The following SOX5 variants were observed in gnomAD, a reference collection of about 807,000 sequenced individuals.
SOX5 encodes transcription factor SOX-5.
SOX5 carries 9 observed loss-of-function variants against 92.0 expected under a neutral mutation model. That is an observed-to-expected ratio of 0.10 (90% CI 0.06 to 0.17). The LOEUF is 0.17. Among genes scored for constraint, SOX5 ranks in the 10% least tolerant of loss-of-function variants. SOX5 has a pLI of 1.00. For synonymous variants in SOX5, 344 were observed against 336.3 expected (o/e 1.02, Z -0.25); for missense variants, 642 against 944.5 (o/e 0.68, Z 4.20).
At chr12:24,472,275 A>T (rs1342355779) in intron 1 of SOX5, among the ~76,000 whole-genome samples, 1 of 152,182 alleles carries the variant, frequency 6.6e-6, no homozygotes, top group African/African-American at 2.4e-5. Flanking sequence ...TTAGTGGCTC[A>T]GAAAGGTTAA....
intron 2 of SOX5, among the ~76,000 whole-genome samples, chr12:23,874,563 G>A (rs1436522121): frequency 6.6e-6 from 1 of 152,162 alleles, no homozygotes; most frequent in East Asian, 1.9e-4. Flanking sequence ...TCATGTAATA[G>A]AGACATCGGA....
chr12:24,244,993 C>T (rs1465727995), intron 3 of SOX5, among the ~76,000 whole-genome samples: 1 of 152,076 alleles, frequency 6.6e-6, no homozygotes, highest in African/African-American at 2.4e-5. Context: ...CCAGTACTAC[C>T]ACTTTTATTA....
intron 3 of SOX5, among the ~76,000 whole-genome samples, chr12:23,780,863 G>A (rs773228022): frequency 6.6e-6 from 1 of 152,046 alleles, no homozygotes; most frequent in Non-Finnish European, 1.5e-5. Context: ...AGAGTATGCT[G>A]GTAGGGAGTG....
chr12:23,948,744 C>T (rs1051621310), intron 1 of SOX5, among the ~76,000 whole-genome samples: 2 of 152,104 alleles, frequency 1.3e-5, no homozygotes, highest in South Asian at 2.1e-4. Context: ...CTTATAGGAA[C>T]ATTAAGAGGG....
At chr12:24,002,569 G>GTTTTTTTTTTTTTTGTTTTT (rs1555468917) in intron 4 of SOX5, among the ~76,000 whole-genome samples, 1 of 149,088 alleles carries the variant, frequency 6.7e-6, no homozygotes, top group African/African-American at 2.5e-5. Context: ...AATTGAATTA[G>GTTTTTTTTTTTTTTGTTTTT]TAATTTTCTT....
chr12:23,859,895 A>G (rs944038263), intron 2 of SOX5, among the ~76,000 whole-genome samples: 1 of 152,214 alleles, frequency 6.6e-6, no homozygotes, highest in Non-Finnish European at 1.5e-5. Flanking sequence ...ACATGGAATT[A>G]ACCTAAATGC....
chr12:24,374,499 CCACACACACACACACATACACACA>C (rs1206439694), intron 1 of SOX5, among the ~76,000 whole-genome samples: 1 of 145,460 alleles, frequency 6.9e-6, no homozygotes, highest in African/African-American at 2.7e-5. Context: ...CTCCAGACCA[CCACACACACACACACATACACACA>C]CACACACACA....
At chr12:24,445,867 C>T (rs1276147123) in intron 1 of SOX5, among the ~76,000 whole-genome samples, 4 of 152,078 alleles carry the variant, frequency 2.6e-5, no homozygotes, top group African/African-American at 9.7e-5. Context: ...ACAGGGTTAG[C>T]TTTATTCTCT....
intron 1 of SOX5, among the ~76,000 whole-genome samples, chr12:24,402,986 A>G (rs1962107235): frequency 6.6e-6 from 1 of 152,170 alleles, no homozygotes; most frequent in African/African-American, 2.4e-5. Context: ...CTTCCCCTAC[A>G]TGAAAATCTT....
At chr12:24,077,219 G>A (rs1290135247) in intron 4 of SOX5, among the ~76,000 whole-genome samples, 1 of 152,016 alleles carries the variant, frequency 6.6e-6, no homozygotes, top group Non-Finnish European at 1.5e-5. Flanking sequence ...TACCACAGTC[G>A]ACTTTACAGT....
In SOX5 at chr12:24,330,491, T is replaced by G. The variant is rs539212901; in HGVS notation, c.-174+38072A>C. ...GCCATACTGGAGTACAGTCAGGACCTTCATCTCTTTTGGGTCAAATCCTGC... is the reference window on the plus strand; with the variant it reads ...GCCATACTGGAGTACAGTCAGGACCGTCATCTCTTTTGGGTCAAATCCTGC... On this transcript the variant is annotated intron_variant, in intron 2 of 4. Transcript: ENST00000446891. 3.3e-5 allele frequency among the ~76,000 whole-genome samples: 5 copies of G among 152,318 alleles called. No homozygotes were observed. In the East Asian group the frequency reaches 9.7e-4, roughly 29 times the overall value.
chr12:23,584,406 G>T, intron 9 of SOX5: 2 of 678,676 alleles, frequency 2.9e-6, no homozygotes, highest in East Asian at 2.6e-5. Flanking sequence ...GAAAAGTTTG[G>T]TCTGGTTATA....
At chr12:24,103,598 C>T (rs1200998102) in intron 4 of SOX5, among the ~76,000 whole-genome samples, 3 of 152,148 alleles carry the variant, frequency 2.0e-5, no homozygotes, top group Non-Finnish European at 4.4e-5. Flanking sequence ...TCAAGTGATC[C>T]TCACGCCTTG....
intron 4 of SOX5, among the ~76,000 whole-genome samples, chr12:24,114,573 C>CAAAAAAAAAAAAAAAAAAAAAAAAAAA (rs55913110): frequency 2.5e-5 from 1 of 40,596 alleles, no homozygotes; most frequent in African/African-American, 9.5e-5. Flanking sequence ...CACCCCGTCA[C>CAAAAAAAAAAAAAAAAAAAAAAAAAAA]AAAAAAAAAA....
At chr12:24,011,215 T>C (rs1369224078) in intron 4 of SOX5, among the ~76,000 whole-genome samples, 1 of 147,570 alleles carries the variant, frequency 6.8e-6, no homozygotes, top group Non-Finnish European at 1.5e-5. Context: ...ATTAATCAAA[T>C]TAAAAAAAAT....
At chr12:24,000,043 T>G (rs1318266621) in intron 4 of SOX5, among the ~76,000 whole-genome samples, 2 of 151,784 alleles carry the variant, frequency 1.3e-5, no homozygotes, top group Admixed American at 6.6e-5. Context: ...AACCTGTATT[T>G]TTGGGCTCAT....
intron 4 of SOX5, among the ~76,000 whole-genome samples, chr12:24,155,670 G>C (rs1381238846): frequency 6.6e-6 from 1 of 152,118 alleles, no homozygotes; most frequent in Non-Finnish European, 1.5e-5. Context: ...TTAACAATTA[G>C]CTTTCAAACA....
chr12:24,210,505 T>C (rs1008608115), intron 4 of SOX5, among the ~76,000 whole-genome samples: 2 of 152,242 alleles, frequency 1.3e-5, no homozygotes, highest in African/African-American at 2.4e-5. Context: ...CTCTTTCAAA[T>C]AGGAGATAAA....
At chr12:24,337,454 C>A (rs978266690) in intron 2 of SOX5, among the ~76,000 whole-genome samples, 1 of 152,042 alleles carries the variant, frequency 6.6e-6, no homozygotes, top group Non-Finnish European at 1.5e-5. Flanking sequence ...GATCCTCCCA[C>A]CTCAGCTTCC....
Sources: gnomAD v4.1 joint callset for allele counts (sites outside exome capture counted in the v4.1 genomes callset) on GRCh38, gnomAD v4.1.1 for gene constraint, MANE v1.5 for transcripts, NCBI Gene and HGNC (gene_info 2026-07-23, HGNC 2026-07-21) for gene names.